Variants in MYCBP2 observed in about 807,000 individuals in gnomAD.
MYCBP2 encodes MYC binding protein 2, also known as E3 ubiquitin-protein ligase MYCBP2.
In MYCBP2, 120 loss-of-function variants were observed where a neutral mutation model predicts 525.3. That is an observed-to-expected ratio of 0.23 (90% CI 0.20 to 0.27). MYCBP2 has a LOEUF of 0.27. Ranked by LOEUF, MYCBP2 falls within the 10% of genes least tolerant of loss-of-function variation. The pLI is 1.00. For missense variants in MYCBP2, 4,149 were observed against 5,657.1 expected (o/e 0.73, Z 8.55); for synonymous variants, 1,894 against 1,955.8 (o/e 0.97, Z 0.83).
At chr13:77,257,911 G>A (rs1010738577) in intron 13 of MYCBP2, 82 bp from the exon 14 acceptor site, 93 of 1,124,114 alleles carry the variant, frequency 8.3e-5, no homozygotes, top group South Asian at 3.1e-4. Context: ...ATGCAGAACC[G>A]TTTATTTCTG....
intron 18 of MYCBP2, among the ~76,000 whole-genome samples, chr13:77,228,836 T>C (rs974905049): frequency 1.2e-4 from 19 of 152,098 alleles, no homozygotes; most frequent in Non-Finnish European, 2.6e-4. Flanking sequence ...CATATTTGTA[T>C]ACACAGAGAA....
intron 47 of MYCBP2, among the ~76,000 whole-genome samples, chr13:77,149,688 C>T (rs895608998): frequency 6.6e-6 from 1 of 152,166 alleles, no homozygotes; most frequent in African/African-American, 2.4e-5. Flanking sequence ...TGCTATCTTT[C>T]TCAACCAAAA....
intron 15 of MYCBP2, among the ~76,000 whole-genome samples, chr13:77,245,460 A>T (rs1432839684): frequency 6.6e-6 from 1 of 152,176 alleles, no homozygotes; most frequent in East Asian, 1.9e-4. Flanking sequence ...TTGCAGGGAC[A>T]TGAATGAAGG....
intron 1 of MYCBP2, among the ~76,000 whole-genome samples, chr13:77,325,548 C>G (rs1223107362): frequency 5.9e-5 from 9 of 152,168 alleles, no homozygotes. Flanking sequence ...ATCAAGGAAG[C>G]TGAAGGTGTA....
chr13:77,227,647 T>C (rs767192720), intron 18 of MYCBP2, among the ~76,000 whole-genome samples: 2 of 152,200 alleles, frequency 1.3e-5, no homozygotes, highest in Non-Finnish European at 2.9e-5. Context: ...TACATTGTGT[T>C]CATATGATTC....
rs1327296156 is a variant in MYCBP2, at chr13:77,260,703, AT to A, written c.1853-112del. ...CCATATTATTTGCATTTATGACACT[AT>A]TTGTTTATTTTCACAAAGGCCTGGG... On this transcript the variant is annotated intron_variant, in intron 12 of 82. Coordinates refer to ENST00000544440, the MANE Select transcript of MYCBP2 (RefSeq NM_015057.5). The A allele has an allele frequency of 5.2e-6, 5 of 958,860 alleles. No homozygotes were observed. In the Admixed American group the frequency reaches 1.0e-4, roughly 20 times the overall value. 59.4% of individuals were successfully genotyped at this position (958,860 alleles called of 1,614,324 possible).
intron 17 of MYCBP2, among the ~76,000 whole-genome samples, chr13:77,241,462 G>A (rs1481282099): frequency 6.6e-6 from 1 of 152,026 alleles, no homozygotes; most frequent in Admixed American, 6.5e-5. Context: ...AAAGAAAGAA[G>A]AAACAGGTAG....
chr13:77,221,463 A>G (rs1482950721), intron 20 of MYCBP2, among the ~76,000 whole-genome samples: 2 of 152,176 alleles, frequency 1.3e-5, no homozygotes. Flanking sequence ...CATGCTGCTC[A>G]TTCTTCTGAG....
At chr13:77,253,802 G>A (rs2071645792) in intron 14 of MYCBP2, among the ~76,000 whole-genome samples, 1 of 151,986 alleles carries the variant, frequency 6.6e-6, no homozygotes, top group Admixed American at 6.6e-5. Context: ...AATATCAGAT[G>A]TGATGTGGAA....
chr13:77,167,781 A>G (rs2058703801), intron 40 of MYCBP2, among the ~76,000 whole-genome samples: 1 of 152,228 alleles, frequency 6.6e-6, no homozygotes, highest in South Asian at 2.1e-4. Flanking sequence ...TCTGACTAAC[A>G]GTTGAAACTG....
intron 26 of MYCBP2, among the ~76,000 whole-genome samples, chr13:77,200,973 A>C (rs1333590917): frequency 6.6e-6 from 1 of 152,178 alleles, no homozygotes; most frequent in Non-Finnish European, 1.5e-5. Context: ...ACTAGGAAGA[A>C]ACTGCATCAA....
chr13:77,165,283 C>A lies in MYCBP2; in HGVS notation c.6449G>T (p.Gly2150Val). Reference protein sequence around the residue: ...CFAIGYEFSPGPDEGVIQLEK... With the variant: ...CFAIGYEFSPVPDEGVIQLEK... ...ATAATTCATTCTTACCTCATCAGGT[C>A]CAGGGCTAAATTCATATCCAATTGC... Residue 2150 changes from glycine (G) to valine (V), a missense_variant, in exon 42 of 83, where the codon GGA becomes GTA. Gly to Val is a moderately radical substitution (Grantham distance 109). Coordinates refer to ENST00000544440, the MANE Select transcript of MYCBP2 (RefSeq NM_015057.5). The A allele has an allele frequency of 1.2e-6, 2 of 1,603,936 alleles. No homozygotes were observed. Among genetic ancestry groups the A allele is most frequent in the Non-Finnish European group, 1.7e-6 (2 of 1,173,676 alleles).
chr13:77,140,153 A>T lies in MYCBP2; in HGVS notation c.7412T>A (p.Phe2471Tyr). The T allele has an allele frequency of 6.3e-7, 1 of 1,598,588 alleles. No individual in the cohort carries two copies. Among genetic ancestry groups the T allele is most frequent in the Non-Finnish European group, 8.5e-7 (1 of 1,175,536 alleles). ...AAGCCCCGCACTGTCCTTGGCCACA[A>T]ATTTTCGAACCTGAGAAAGGCAAAG... The part of the protein sequence containing the change: ...SEPQPNKVRK[F>Y]VAKDSAGLRI... The change falls in exon 51 of 83, where the codon TTT becomes TAT. Residue 2471 changes from phenylalanine to tyrosine, a missense_variant. Phe to Tyr is a conservative substitution (Grantham distance 22). This residue lies in a region of MYCBP2 where 692 missense variants were observed against 852.7 expected (regional missense o/e 0.81). Transcript: ENST00000544440.
chr13:77,138,598 T>C (rs940423439), intron 52 of MYCBP2, among the ~76,000 whole-genome samples: 23 of 152,312 alleles, frequency 1.5e-4, no homozygotes, highest in African/African-American at 5.5e-4. Flanking sequence ...TTATTATACT[T>C]CATGAAGTAG....
chr13:77,305,420 G>T (rs958822068), intron 1 of MYCBP2, among the ~76,000 whole-genome samples: 1 of 152,016 alleles, frequency 6.6e-6, no homozygotes, highest in Admixed American at 6.6e-5. Context: ...TATGCTAAGT[G>T]AAAGAAACAA....
Position 77,058,401 on chromosome 13 carries a change from G to A in MYCBP2, c.13146C>T (p.Tyr4382=), listed in dbSNP as rs764902502. 1.9e-5 allele frequency: 30 copies of A among 1,594,262 alleles called. No homozygotes were observed. The highest frequency in any genetic ancestry group is 1.7e-4 in the South Asian group (15 of 88,758). The change falls in exon 78 of 83, where the codon TAC becomes TAT. Residue 4382 remains tyrosine (Y), a synonymous_variant. Coordinates refer to ENST00000544440, the MANE Select transcript of MYCBP2 (RefSeq NM_015057.5). This position sits in a 1 kb window ranked among gnomAD's most constrained non-coding sequence, Gnocchi z 4.1. ...GCGTCTTACTACAGGCTATCTTAGCGTATTCCTGTTAAAGATGAATTACAA... is the reference window on the plus strand; with the variant it reads ...GCGTCTTACTACAGGCTATCTTAGCATATTCCTGTTAAAGATGAATTACAA... ...SVCSDADCQE[Y]AKIACSKTHP... is the part of the protein sequence containing the mutation.
chr13:77,273,640 G>T lies in MYCBP2; in HGVS notation c.777C>A (p.Ile259=). The T allele has an allele frequency of 6.4e-7, 1 of 1,557,288 alleles. No homozygotes were observed. The highest frequency in any genetic ancestry group is 1.2e-5 in the South Asian group (1 of 81,714). Residue 259 remains isoleucine (I), a synonymous_variant, in exon 5 of 83, where the codon ATC becomes ATA. Transcript: ENST00000544440. The part of the protein sequence containing the change: ...LESLFQLLLE[I]TVRSTGMNDS... ...CATTCATCCCAGTACTTCGAACGGT[G>T]ATTTCCAAAAGAAGCTGGAAGAGAG...
At chr13:77,079,967 C>T (rs1263146888) in intron 65 of MYCBP2, among the ~76,000 whole-genome samples, 2 of 152,152 alleles carry the variant, frequency 1.3e-5, no homozygotes, top group African/African-American at 4.8e-5. Flanking sequence ...TTAGAAAAGA[C>T]AGAAGTGTTA....
intron 18 of MYCBP2, among the ~76,000 whole-genome samples, chr13:77,230,102 G>A (rs191079853): frequency 1.5e-3 from 230 of 152,208 alleles, no homozygotes; most frequent in African/African-American, 5.3e-3. Flanking sequence ...TATATACTCT[G>A]CTTTGCCTTT....
Sources: gnomAD v4.1 joint callset for allele counts (sites outside exome capture counted in the v4.1 genomes callset) on GRCh38, gnomAD v4.1.1 for gene constraint, gnomAD v4.1.1 regional missense constraint, Gnocchi (gnomAD v3.1) non-coding constraint, MANE v1.5 for transcripts, NCBI Gene and HGNC (gene_info 2026-07-23, HGNC 2026-07-21) for gene names.